Variants in SNX14 observed in about 807,000 individuals in gnomAD.
SNX14 encodes sorting nexin 14, also known as sorting nexin-14.
A neutral mutation model predicts 133.8 loss-of-function variants in SNX14; 93 were observed. The observed-to-expected ratio is 0.70, with a 90% CI of 0.59 to 0.83. The LOEUF is 0.83. Among genes scored for constraint, SNX14 ranks in the 40% least tolerant of loss-of-function variants. The pLI, the probability that SNX14 is intolerant of heterozygous loss-of-function variation, is 0.00. For missense variants in SNX14, 945 were observed against 1,094.9 expected, an observed-to-expected ratio of 0.86 and a Z score of 1.93; for synonymous variants, 368 against 365.6, an observed-to-expected ratio of 1.01 and a Z score of -0.07.
intron 1 of SNX14, among the ~76,000 whole-genome samples, chr6:85,577,293 C>T (rs1222213536): frequency 6.6e-6 from 1 of 152,056 alleles, no homozygotes; most frequent in Non-Finnish European, 1.5e-5. Context: ...TGGCGCATGC[C>T]TGTAATCCCA....
intron 1 of SNX14, among the ~76,000 whole-genome samples, chr6:85,576,960 C>T (rs747744694): frequency 6.6e-5 from 10 of 152,078 alleles, no homozygotes; most frequent in Non-Finnish European, 1.5e-4. Context: ...TGGAGAATGG[C>T]CTAGACTGGA....
chr6:85,550,995 G>A (rs1787634229), intron 7 of SNX14, among the ~76,000 whole-genome samples: 1 of 152,060 alleles, frequency 6.6e-6, no homozygotes, highest in Non-Finnish European at 1.5e-5. Flanking sequence ...TGGCCAGGCT[G>A]GTCTGGAACT....
At chr6:85,580,697 G>A (rs1798773086) in intron 1 of SNX14, among the ~76,000 whole-genome samples, 1 of 152,180 alleles carries the variant, frequency 6.6e-6, no homozygotes, top group Non-Finnish European at 1.5e-5. Flanking sequence ...GACAGTAGTA[G>A]TTAGATTGAT....
At chr6:85,558,983 A>G (rs1790671411) in intron 6 of SNX14, among the ~76,000 whole-genome samples, 1 of 152,086 alleles carries the variant, frequency 6.6e-6, no homozygotes, top group African/African-American at 2.4e-5. Context: ...AACAAAAAGC[A>G]TATTTATTAG....
rs568948506 is a variant in SNX14, at chr6:85,572,127, A to C, written c.417+10T>G. ...CATTTTCTGTTAATAATATTAATTA[A>C]ATCAGTTACCTCTGAGAGAGATGCA... On this transcript the variant is annotated intron_variant, in intron 4 of 28. Coordinates refer to ENST00000314673, the MANE Select transcript of SNX14 (RefSeq NM_153816.6). 2.5e-6 allele frequency: 4 copies of C among 1,601,028 alleles called. No homozygotes were observed. The highest frequency in any genetic ancestry group is 3.4e-6 in the Non-Finnish European group (4 of 1,175,092).
chr6:85,538,907 AAGAAAGCCC>A, intron 15 of SNX14, 43 bp from the exon 16 acceptor site: 1 of 1,511,282 alleles, frequency 6.6e-7, no homozygotes. Flanking sequence ...AGAGGAAAGA[AAGAAAGCCC>A]AGATATTATA....
intron 19 of SNX14, 36 bp downstream of exon 19, chr6:85,530,156 T>C: frequency 7.6e-7 from 1 of 1,319,636 alleles, no homozygotes; most frequent in South Asian, 1.3e-5. Flanking sequence ...ATGCTAATGC[T>C]GAAATGTAAT....
chr6:85,581,470 A>C (rs1390892509), intron 1 of SNX14: 2 of 152,258 alleles, frequency 1.3e-5, no homozygotes, highest in East Asian at 3.8e-4. Flanking sequence ...CAAGACCATG[A>C]AGGGAAACAT....
intron 1 of SNX14, among the ~76,000 whole-genome samples, chr6:85,582,421 C>T (rs941193541): frequency 1.7e-4 from 26 of 150,872 alleles, no homozygotes; most frequent in African/African-American, 6.3e-4. Context: ...ATAAAGAACA[C>T]TGAAAACGAG....
Position 85,547,120 on chromosome 6 carries a change from A to C in SNX14, c.1100T>G (p.Leu367Trp). ...EGAVHVLQFC[L>W]TVEEFNDRIL... ...ACACAGGTAAGCCTCACCCACAGTC[A>C]AACAAAACTGCAACACGTGCACTGC... Residue 367 changes from leucine to tryptophan, a missense_variant, in exon 12 of 29, where the codon TTG (leucine) becomes TGG (tryptophan). Around this residue, in one of 3 missense-constraint regions of SNX14, gnomAD observed 514 missense variants for 538.8 expected, o/e 0.95. Transcript: ENST00000314673. 6.2e-7 allele frequency: 1 copy of C among 1,613,028 alleles called. No homozygotes were observed. Among genetic ancestry groups the C allele is most frequent in the East Asian group, 2.2e-5 (1 of 44,858 alleles).
chr6:85,526,946 G>C (rs1778672047), intron 20 of SNX14, among the ~76,000 whole-genome samples: 1 of 152,142 alleles, frequency 6.6e-6, no homozygotes, highest in Admixed American at 6.5e-5. Flanking sequence ...GTGGGTGCCT[G>C]TAATCCCAGC....
At chr6:85,532,696 G>A (rs1054890230) in intron 18 of SNX14, among the ~76,000 whole-genome samples, 3 of 152,204 alleles carry the variant, frequency 2.0e-5, no homozygotes, top group Admixed American at 6.5e-5. Flanking sequence ...GTGCAAAGTG[G>A]TGACTATTTT....
Position 85,547,570 on chromosome 6 carries a change from A to G in SNX14, c.868-20T>C, listed in dbSNP as rs377191470. 8 of 1,555,932 alleles carry G rather than the reference A, an allele frequency of 5.1e-6. No individual in the cohort carries two copies. Among genetic ancestry groups the G allele is most frequent in the Middle Eastern group, 2.1e-4 (1 of 4,836 alleles). On this transcript the variant is annotated intron_variant, in intron 9 of 28. Coordinates refer to ENST00000314673, the MANE Select transcript of SNX14 (RefSeq NM_153816.6). The stretch of plus-strand genomic sequence containing the variant: ...AGTATCCTAGTGGAAAATAATAAAC[A>G]TAAGTCAAAATAATTCCACTACTGT...
intron 13 of SNX14, 79 bp downstream of exon 13, chr6:85,543,526 C>T: frequency 3.3e-6 from 4 of 1,206,706 alleles, no homozygotes; most frequent in Non-Finnish European, 4.6e-6. Context: ...CTGCAGCTAG[C>T]CACTGCAATA....
At chr6:85,587,544 C>T (rs1801333532) in intron 1 of SNX14, among the ~76,000 whole-genome samples, 1 of 152,138 alleles carries the variant, frequency 6.6e-6, no homozygotes, top group African/African-American at 2.4e-5. Context: ...GAGCTTACTG[C>T]AGCCTCAACC....
intron 7 of SNX14, among the ~76,000 whole-genome samples, chr6:85,553,572 C>T (rs1291517176): frequency 1.3e-5 from 2 of 152,080 alleles, no homozygotes; most frequent in Non-Finnish European, 2.9e-5. Flanking sequence ...ATCATGAGGT[C>T]AGGAGATCGA....
rs1423117376 is a variant in SNX14, at chr6:85,508,044, C to T, written c.2669G>A (p.Cys890Tyr). 2 of 1,612,670 alleles carry T rather than the reference C, an allele frequency of 1.2e-6. No homozygotes were observed. The highest frequency in any genetic ancestry group is 1.7e-6 in the Non-Finnish European group (2 of 1,179,254). ...MNYIPDLLVK[C>Y]IGEETKYESI... is the part of the protein sequence containing the mutation. ...TTCATACTTGGTTTCTTCACCAATA[C>T]ACTTGACTAACAGATCTAAACAAAA... Residue 890 changes from cysteine (C) to tyrosine (Y), a missense_variant, in exon 27 of 29, where the codon TGT becomes TAT. By Grantham distance (194) the Cys-to-Tyr change is radical (BLOSUM62 -2). This residue lies in a region of SNX14 where 412 missense variants were observed against 516.6 expected (regional missense o/e 0.80). Coordinates refer to ENST00000314673, the MANE Select transcript of SNX14 (RefSeq NM_153816.6).
At chr6:85,538,928 A>C in intron 15 of SNX14, 64 bp from the exon 16 acceptor site, 1 of 1,393,348 alleles carries the variant, frequency 7.2e-7, no homozygotes, top group South Asian at 1.4e-5. Flanking sequence ...GATATTATAT[A>C]AACTTCATTT....
chr6:85,560,998 C>A (rs1480347180), intron 6 of SNX14, among the ~76,000 whole-genome samples: 1 of 145,272 alleles, frequency 6.9e-6, no homozygotes, highest in African/African-American at 2.6e-5. Flanking sequence ...GGCACCACTG[C>A]ACTCCAGCCT....
Sources: gnomAD v4.1 joint callset for allele counts (sites outside exome capture counted in the v4.1 genomes callset) on GRCh38, gnomAD v4.1.1 for gene constraint, gnomAD v4.1.1 regional missense constraint, MANE v1.5 for transcripts, NCBI Gene and HGNC (gene_info 2026-07-23, HGNC 2026-07-21) for gene names.